CACNA2D3: variants seen among roughly 807,000 people sequenced by gnomAD.
The protein encoded by CACNA2D3 is calcium voltage-gated channel auxiliary subunit alpha2delta 3.
CACNA2D3 carries 60 observed loss-of-function variants against 160.6 expected under a neutral mutation model. The ratio of observed to expected loss-of-function variants is 0.37; its 90% CI spans 0.30 to 0.46. The LOEUF is 0.46. CACNA2D3 is among the 20% of genes least tolerant of loss of function. The pLI, the probability that CACNA2D3 is intolerant of heterozygous loss-of-function variation, is 1.00. For missense variants in CACNA2D3, 1,205 were observed against 1,365.0 expected, an observed-to-expected ratio of 0.88 and a Z score of 1.85; for synonymous variants, 558 against 492.9, an observed-to-expected ratio of 1.13 and a Z score of -1.75.
chr3:54,869,444 C>T (rs993746548), intron 17 of CACNA2D3, among the ~76,000 whole-genome samples: 3 of 152,170 alleles, frequency 2.0e-5, no homozygotes, highest in Admixed American at 1.3e-4. Context: ...TCTTTAGTGC[C>T]TTGCACTTAG....
intron 2 of CACNA2D3, among the ~76,000 whole-genome samples, chr3:54,128,781 A>G (rs951094048): frequency 4.6e-5 from 7 of 152,170 alleles, no homozygotes; most frequent in African/African-American, 7.2e-5. Context: ...CTGTGATTTG[A>G]CTTAGAGGTT....
intron 22 of CACNA2D3, 78 bp downstream of exon 22, chr3:54,885,404 G>C: frequency 6.2e-7 from 1 of 1,602,622 alleles, no homozygotes; most frequent in Non-Finnish European, 8.5e-7. Flanking sequence ...GTGCTCCCTT[G>C]CCCAGTTTTC....
intron 2 of CACNA2D3, among the ~76,000 whole-genome samples, chr3:54,220,102 G>A (rs4505744): frequency 0.24 from 36,862 of 151,850 alleles, 6,475 homozygotes; most frequent in African/African-American, 0.47. Flanking sequence ...ACAAAGGACT[G>A]CTTAAAATAT....
In CACNA2D3 at chr3:55,073,909, A is replaced by AGAGT. The variant is rs1216252024; in HGVS notation, c.3183+51_3183+54dup. ...TCCTTTTCCCATCAGAATCACCACG[A>AGAGT]GAGTCTCACACTGGTCAAAGAACTA... On this transcript the variant is annotated intron_variant, in intron 37 of 37. Transcript: ENST00000474759. 2.8e-6 allele frequency: 4 copies of AGAGT among 1,446,554 alleles called. No individual in the cohort carries two copies. In the East Asian group the frequency reaches 9.1e-5, roughly 33 times the overall value. 89.6% of individuals were successfully genotyped at this position (1,446,554 alleles called of 1,614,324 possible).
chr3:54,278,094 T>A (rs531915337), intron 2 of CACNA2D3, among the ~76,000 whole-genome samples: 1 of 152,194 alleles, frequency 6.6e-6, no homozygotes, highest in South Asian at 2.1e-4. Context: ...ATTCTATCCA[T>A]CTGACAAAGG....
intron 4 of CACNA2D3, among the ~76,000 whole-genome samples, chr3:54,406,073 G>A (rs1218045915): frequency 6.6e-6 from 1 of 152,070 alleles, no homozygotes; most frequent in African/African-American, 2.4e-5. Flanking sequence ...TGGAGAAAAG[G>A]AAACTCTTGT....
chr3:55,002,736 C>G (rs1460828373), intron 31 of CACNA2D3, among the ~76,000 whole-genome samples: 1 of 152,174 alleles, frequency 6.6e-6, no homozygotes, highest in Non-Finnish European at 1.5e-5. Context: ...CCACTGGTAT[C>G]CCCTTGGGCT....
chr3:54,502,594 C>G (rs968898645), intron 4 of CACNA2D3, among the ~76,000 whole-genome samples: 2 of 152,152 alleles, frequency 1.3e-5, no homozygotes, highest in Non-Finnish European at 2.9e-5. Flanking sequence ...TCTGTTAATT[C>G]CACCCACACC....
intron 9 of CACNA2D3, chr3:54,626,251 A>G: frequency 8.5e-7 from 1 of 1,178,212 alleles, no homozygotes. Context: ...GACCTTCCGC[A>G]GGTTCACCTA....
rs1702293055 is a variant in CACNA2D3 at position 54,256,343 on chromosome 3, A to G, written c.205-64099A>G. ...AGCATATGGGAATTATTTCTATCCT[A>G]CTGCTCAAGGTCATCGCCAAGATCT... On this transcript the variant is annotated intron_variant, in intron 2 of 37. Coordinates refer to ENST00000474759, the MANE Select transcript of CACNA2D3 (RefSeq NM_018398.3). 2.6e-5 allele frequency among the ~76,000 whole-genome samples: 4 copies of G among 152,172 alleles called. No individual in the cohort carries two copies. The South Asian group carries it at 8.3e-4, about 32-fold the overall frequency.
chr3:54,567,658 G>A (rs1389780907), intron 6 of CACNA2D3, among the ~76,000 whole-genome samples: 1 of 152,070 alleles, frequency 6.6e-6, no homozygotes, highest in African/African-American at 2.4e-5. Context: ...GCCTCAACCT[G>A]CCAAGTAGCT....
chr3:54,815,932 G>A (rs1404691325), intron 13 of CACNA2D3, among the ~76,000 whole-genome samples: 2 of 152,158 alleles, frequency 1.3e-5, no homozygotes, highest in East Asian at 1.9e-4. Context: ...TTCCAGATTA[G>A]AAAGATGCTT....
At chr3:54,628,566 G>A (rs1699171523) in intron 10 of CACNA2D3, among the ~76,000 whole-genome samples, 1 of 152,160 alleles carries the variant, frequency 6.6e-6, no homozygotes, top group Admixed American at 6.5e-5. Flanking sequence ...ACCCTAGGAG[G>A]GCAAGGACAA....
chr3:54,203,263 C>T (rs753374779), intron 2 of CACNA2D3, among the ~76,000 whole-genome samples: 11 of 152,156 alleles, frequency 7.2e-5, no homozygotes, highest in Non-Finnish European at 1.3e-4. Flanking sequence ...CCTCGCAGGG[C>T]GTGCGATGGG....
intron 4 of CACNA2D3, among the ~76,000 whole-genome samples, chr3:54,463,208 A>G (rs938673108): frequency 1.3e-4 from 19 of 151,134 alleles, no homozygotes; most frequent in Admixed American, 2.0e-4. Flanking sequence ...TGCCCTTAAC[A>G]TTTTTTCCTT....
At chr3:54,750,775 C>CT (rs36019615) in intron 11 of CACNA2D3, among the ~76,000 whole-genome samples, 54,876 of 144,226 alleles carry the variant, frequency 0.38, 10,626 homozygotes, top group Non-Finnish European at 0.45. Flanking sequence ...TGGATCTTTG[C>CT]TTTTTTTTTT....
chr3:54,864,359 C>T (rs549882678), intron 17 of CACNA2D3, among the ~76,000 whole-genome samples: 6 of 152,156 alleles, frequency 3.9e-5, no homozygotes, highest in African/African-American at 7.2e-5. Flanking sequence ...CTGCAACCTC[C>T]GCCTCCCAGT....
At chr3:55,069,411 T>A (rs1704748125) in intron 35 of CACNA2D3, among the ~76,000 whole-genome samples, 1 of 152,232 alleles carries the variant, frequency 6.6e-6, no homozygotes, top group Non-Finnish European at 1.5e-5. Flanking sequence ...CTAGTATTTT[T>A]ATGTTCCTCA....
chr3:54,665,861 GCA>G (rs1481067933), intron 11 of CACNA2D3, among the ~76,000 whole-genome samples: 1 of 150,750 alleles, frequency 6.6e-6, no homozygotes, highest in African/African-American at 2.5e-5. Context: ...GATTTGCACT[GCA>G]CAATCATGGC....
Sources: allele counts gnomAD v4.1 joint callset (sites outside exome capture counted in the v4.1 genomes callset), GRCh38; gene constraint gnomAD v4.1.1; transcripts MANE v1.5; gene names NCBI Gene and HGNC (gene_info 2026-07-23, HGNC 2026-07-21).